Variants in LIPA observed in about 807,000 individuals in gnomAD.
LIPA encodes lipase A, lysosomal acid type.
LIPA carries 26 observed loss-of-function variants against 40.6 expected under a neutral mutation model. That is an observed-to-expected ratio of 0.64 (90% CI 0.47 to 0.89). LIPA has a LOEUF of 0.89. LIPA is among the 40% of genes least tolerant of loss of function. The probability of loss-of-function intolerance (pLI) is 0.00; values close to 1 mark genes in which losing one functional copy is unlikely to be tolerated. For synonymous variants in LIPA, 188 were observed against 168.4 expected (o/e 1.12, Z -0.90); for missense variants, 455 against 479.6 (o/e 0.95, Z 0.48).
chr10:89,403,178 A>C, intron 2 of LIPA: 1 of 1,614,034 alleles, frequency 6.2e-7, no homozygotes, highest in Non-Finnish European at 8.5e-7. Flanking sequence ...AAATGATCCA[A>C]ATCAAGGAGG....
chr10:89,284,523 T>G (rs1843331740), intron 1 of LIPA: 1 of 152,164 alleles, frequency 6.6e-6, no homozygotes, highest in South Asian at 2.1e-4. Context: ...CTCAGTGATC[T>G]TTAAAAAATA....
At chr10:89,374,773 G>A (rs1310244133) in intron 2 of LIPA, among the ~76,000 whole-genome samples, 3 of 152,140 alleles carry the variant, frequency 2.0e-5, no homozygotes, top group Non-Finnish European at 4.4e-5. Flanking sequence ...GAGGAAATGA[G>A]TCCCATTCCA....
chr10:89,215,327 C>T (rs1414856122), intron 9 of LIPA, among the ~76,000 whole-genome samples: 2 of 152,168 alleles, frequency 1.3e-5, no homozygotes, highest in Admixed American at 1.3e-4. Flanking sequence ...GTTTAATCCC[C>T]GGCAAGGAAG....
rs182159953 is a variant in LIPA at position 89,272,840 on chromosome 10, A to G, written c.-1-25191T>C. Among the ~76,000 whole-genome samples the G allele has an allele frequency of 3.1e-3, 468 of 152,350 alleles. 3 individuals carry two copies. Among genetic ancestry groups the G allele is most frequent in the African/African-American group, 0.011 (445 of 41,580 alleles). On this transcript the variant is annotated intron_variant, in intron 1 of 5. Transcript: ENST00000282673. ...TGTGGTTTTAATTTGCATTTCTCTA[A>G]TGAACAGTAATGTTGAGCTTTTTTC...
intron 1 of LIPA, among the ~76,000 whole-genome samples, chr10:89,303,744 A>G (rs1843460506): frequency 6.6e-6 from 1 of 152,224 alleles, no homozygotes; most frequent in Admixed American, 6.5e-5. Flanking sequence ...TTGTAAAATG[A>G]GAAAGGAGCT....
chr10:89,221,865 C>T (rs1293277894), intron 8 of LIPA, among the ~76,000 whole-genome samples: 1 of 152,142 alleles, frequency 6.6e-6, no homozygotes, highest in Non-Finnish European at 1.5e-5. Context: ...TATGGATATG[C>T]ATTTCCTCTC....
chr10:89,228,116 T>TAG, intron 4 of LIPA, 84 bp downstream of exon 4: 1 of 1,156,596 alleles, frequency 8.6e-7, no homozygotes, highest in Non-Finnish European at 1.3e-6. Context: ...AGTTACCACC[T>TAG]ATCTACCTCT....
rs374854644 is a variant in LIPA at position 89,310,616 on chromosome 10, A to T, written c.-2+31995T>A. Among the ~76,000 whole-genome samples, 3 of 152,334 alleles carry T rather than the reference A, an allele frequency of 2.0e-5. No homozygotes were observed. The South Asian group carries it at 6.2e-4, about 32-fold the overall frequency. On this transcript the variant is annotated intron_variant, in intron 1 of 5. Transcript: ENST00000282673. ...CTTCTAGGGAGGCTGCAAAGAGGGAAACCCACTAAAATCCTTAGATGTACC... is the reference window on the plus strand; with the variant it reads ...CTTCTAGGGAGGCTGCAAAGAGGGATACCCACTAAAATCCTTAGATGTACC...
At chr10:89,386,953 G>C (rs1186831854) in intron 2 of LIPA, among the ~76,000 whole-genome samples, 1 of 116,022 alleles carries the variant, frequency 8.6e-6, no homozygotes, top group Non-Finnish European at 1.9e-5. Flanking sequence ...ATGAGTGTGT[G>C]TGTGTGTGTG....
intron 1 of LIPA, among the ~76,000 whole-genome samples, chr10:89,289,812 A>G (rs1187096951): frequency 6.6e-6 from 1 of 151,272 alleles, no homozygotes. Context: ...TTTTACACTT[A>G]CTCTTATTCT....
intron 3 of LIPA, among the ~76,000 whole-genome samples, chr10:89,232,685 T>C (rs1017060259): frequency 1.3e-5 from 2 of 152,148 alleles, no homozygotes; most frequent in Non-Finnish European, 2.9e-5. Context: ...AGGGGAGATG[T>C]TGGCCAGCAC....
intron 1 of LIPA, chr10:89,328,117 A>G: frequency 6.2e-7 from 1 of 1,606,884 alleles, no homozygotes; most frequent in Non-Finnish European, 8.5e-7. Flanking sequence ...CTTGTTTTTG[A>G]GTGCAAATTG....
chr10:89,368,926 TCACACACACACA>T (rs3063812), intron 2 of LIPA, among the ~76,000 whole-genome samples: 7 of 148,704 alleles, frequency 4.7e-5, no homozygotes, highest in African/African-American at 1.5e-4. Flanking sequence ...AACACAAAAC[TCACACACACACA>T]CACACACACA....
At chr10:89,378,097 A>G in intron 2 of LIPA, 1 of 1,613,250 alleles carries the variant, frequency 6.2e-7, no homozygotes, top group Non-Finnish European at 8.5e-7. Context: ...CCAAGCCTGA[A>G]CCAAAGCACT....
At chr10:89,244,153 A>C (rs956070618) in intron 3 of LIPA, among the ~76,000 whole-genome samples, 1 of 152,144 alleles carries the variant, frequency 6.6e-6, no homozygotes, top group Non-Finnish European at 1.5e-5. Context: ...AAGCATAAAA[A>C]TCTCAAGAGT....
intron 1 of LIPA, among the ~76,000 whole-genome samples, chr10:89,249,531 A>C (rs894111064): frequency 6.6e-6 from 1 of 152,254 alleles, no homozygotes; most frequent in Non-Finnish European, 1.5e-5. Flanking sequence ...GATTGGATAA[A>C]TTATGGTATA....
Position 89,402,416 on chromosome 10 carries a change from C to T in LIPA, c.61+10375G>A, listed in dbSNP as rs149743791. 9.4e-4 allele frequency: 1,521 copies of T among 1,614,170 alleles called. 13 individuals are homozygous for T. In the African/African-American group the frequency reaches 0.014, roughly 14 times the overall value. On this transcript the variant is annotated intron_variant, in intron 2 of 8. Coordinates refer to the LIPA transcript ENST00000371837. Reference sequence around the variant, plus strand: ...TCTTGGATCAGATTGAATTCCTAGACACCAAATACAGTGTGGGAATACACA... The same window carrying T: ...TCTTGGATCAGATTGAATTCCTAGATACCAAATACAGTGTGGGAATACACA...
At chr10:89,226,866 T>G (rs756614926) in intron 5 of LIPA, 29 bp downstream of exon 5, 3 of 1,256,402 alleles carry the variant, frequency 2.4e-6, no homozygotes, top group Middle Eastern at 2.4e-4. Context: ...AGAATTTATA[T>G]CAACTTCTGA....
intron 2 of LIPA, among the ~76,000 whole-genome samples, chr10:89,357,260 C>A (rs1051254092): frequency 6.6e-6 from 1 of 152,126 alleles, no homozygotes; most frequent in African/African-American, 2.4e-5. Context: ...ACCAGGAAAT[C>A]CTCCCTGAAT....
Sources: allele counts gnomAD v4.1 joint callset (sites outside exome capture counted in the v4.1 genomes callset), GRCh38; gene constraint gnomAD v4.1.1; transcripts MANE v1.5; gene names NCBI Gene and HGNC (gene_info 2026-07-23, HGNC 2026-07-21).